The following DDB1 variants were observed in gnomAD, a reference collection of about 807,000 sequenced individuals.
The protein encoded by DDB1 is damage specific DNA binding protein 1.
Under a neutral mutation model 133.1 loss-of-function variants are expected in DDB1, and 18 were observed. The observed-to-expected ratio is 0.14, with a 90% CI of 0.09 to 0.20. The LOEUF is 0.20. DDB1 is among the 10% of genes least tolerant of loss of function. DDB1 has a pLI of 1.00. For missense variants in DDB1, 828 were observed against 1,459.2 expected (o/e 0.57, Z 7.05); for synonymous variants, 580 against 550.5 (o/e 1.05, Z -0.75).
intron 12 of DDB1, chr11:61,315,900 T>G (rs1335248157): frequency 6.2e-6 from 1 of 162,546 alleles, no homozygotes; most frequent in Non-Finnish European, 1.3e-5. Context: ...TTTTGTGCAT[T>G]TTGGCATTTT....
intron 4 of DDB1, among the ~76,000 whole-genome samples, chr11:61,328,921 G>A (rs1856316983): frequency 6.6e-6 from 1 of 152,108 alleles, no homozygotes. Flanking sequence ...ACCAGTAAGT[G>A]ATTACTGGAC....
chr11:61,304,505 A>C (rs1488757286), intron 21 of DDB1, among the ~76,000 whole-genome samples: 1 of 152,102 alleles, frequency 6.6e-6, no homozygotes, highest in Non-Finnish European at 1.5e-5. Flanking sequence ...AGTCCAACAG[A>C]AACATTGACA....
In DDB1 at chr11:61,324,018, G is replaced by A. The variant is rs56096142; in HGVS notation, c.882C>T (p.Thr294=). ...CTACACGGAGATCCTTGAGAGTGAC[G>A]GTGCCATCCATCTGTTCCTCCTTCT... is the stretch of plus-strand genomic sequence containing the variant. ...LLEKEEQMDG[T]VTLKDLRVEL... is the part of the protein sequence containing the mutation. Residue 294 remains threonine, a synonymous_variant, in exon 7 of 27, where the codon ACC becomes ACT. Coordinates refer to ENST00000301764, the MANE Select transcript of DDB1 (RefSeq NM_001923.5). 566 of 1,613,634 alleles carry A rather than the reference G, an allele frequency of 3.5e-4. 1 individual carries two copies. In the African/African-American group the frequency reaches 3.8e-3, roughly 11 times the overall value.
At chr11:61,310,480 T>C in intron 18 of DDB1, 62 bp from the exon 19 acceptor site, 6 of 1,519,868 alleles carry the variant, frequency 3.9e-6, no homozygotes, top group Non-Finnish European at 5.3e-6. Context: ...GAGACATCAT[T>C]GTGAAGGGAC....
rs1196607357 is a variant in DDB1 at position 61,303,102 on chromosome 11, A to G, written c.2886T>C (p.Asp962=). 6 of 1,614,220 alleles carry G rather than the reference A, an allele frequency of 3.7e-6. No homozygotes were observed. In the African/African-American group the frequency reaches 4.0e-5, roughly 11 times the overall value. The change falls in exon 23 of 27, where the codon GAT becomes GAC. Residue 962 remains aspartate (D), a synonymous_variant. Coordinates refer to ENST00000301764, the MANE Select transcript of DDB1 (RefSeq NM_001923.5). ...CATTTTCAGCCCCCAGAAAATTGTC[A>G]TCATCCAAGATTTCCACAGCACTCA... is the stretch of plus-strand genomic sequence containing the variant. ...NWMSAVEILD[D]DNFLGAENAF...
rs28720350 is a variant in DDB1 at position 61,302,577 on chromosome 11, C to A, written c.3112+5G>T. 663 of 1,614,138 alleles carry A rather than the reference C, an allele frequency of 4.1e-4. 5 individuals are homozygous for A. In the African/African-American group the frequency reaches 6.9e-3, roughly 17 times the overall value. ...TGGGGGTGTGCCCCACAGGGGTGACCTTACCTATCATGCCGTTGACCGTGC... is the reference window on the plus strand; with the variant it reads ...TGGGGGTGTGCCCCACAGGGGTGACATTACCTATCATGCCGTTGACCGTGC... On this transcript the variant is annotated splice_donor_5th_base_variant and intron_variant, in intron 24 of 26. Coordinates refer to ENST00000301764, the MANE Select transcript of DDB1 (RefSeq NM_001923.5).
intron 16 of DDB1, 150 bp downstream of exon 16, chr11:61,313,349 T>C (rs1012786556): frequency 4.3e-6 from 3 of 694,370 alleles, no homozygotes; most frequent in Non-Finnish European, 6.9e-6. Flanking sequence ...GTGTTTCTAT[T>C]GGGTAGCCAG....
Position 61,325,712 on chromosome 11 carries a change from C to T in DDB1, c.665-4G>A. 1 of 1,609,614 alleles carries T rather than the reference C, an allele frequency of 6.2e-7. No homozygotes were observed. The highest frequency in any genetic ancestry group is 8.5e-7 in the Non-Finnish European group (1 of 1,177,206). ...GCCCCCCCAAAGGGCTCTGGGACTG[C>T]AGGAAAGACAGCAAAATTAGAATGC... On this transcript the variant is annotated splice_polypyrimidine_tract_variant and splice_region_variant and intron_variant, in intron 5 of 26. Coordinates refer to ENST00000301764, the MANE Select transcript of DDB1 (RefSeq NM_001923.5).
At position 61,330,074 on chromosome 11, in the gene DDB1, C is replaced by A. The variant is rs770470270; in HGVS notation, c.211G>T (p.Gly71Trp). ...ATAAACAGCAGGTCCTTGCTCTCCC[C>A]CTGGAAACCAATATTATGCTATCAA... is the stretch of plus-strand genomic sequence containing the variant. The part of the protein sequence containing the change: ...IAVMELFRPK[G>W]ESKDLLFILT... The change falls in exon 3 of 27, where the codon GGG (glycine) becomes TGG (tryptophan). Residue 71 changes from glycine to tryptophan, a missense_variant and splice_region_variant. Transcript: ENST00000301764. The A allele has an allele frequency of 1.2e-6, 2 of 1,611,444 alleles. No individual in the cohort carries two copies. Among genetic ancestry groups the A allele is most frequent in the Non-Finnish European group, 1.7e-6 (2 of 1,177,956 alleles).
At chr11:61,324,258 T>C (rs1856233724) in intron 6 of DDB1, 121 bp from the exon 7 acceptor site, 2 of 1,014,876 alleles carry the variant, frequency 2.0e-6, no homozygotes, top group Admixed American at 4.3e-5. Context: ...ATCGCTCAGA[T>C]AACATTACAT....
chr11:61,302,676 G>T lies in DDB1; in HGVS notation c.3018C>A (p.Val1006=). The part of the protein sequence containing the change: ...GLFHLGEFVN[V]FCHGSLVMQN... ...GCATTACCAGAGAGCCGTGGCAAAA[G>T]ACATTGACAAACTCGCCCAGGTGGA... Residue 1006 remains valine (V), a synonymous_variant, in exon 24 of 27, where the codon GTC becomes GTA. Coordinates refer to ENST00000301764, the MANE Select transcript of DDB1 (RefSeq NM_001923.5). 3 of 1,614,214 alleles carry T rather than the reference G, an allele frequency of 1.9e-6. No individual in the cohort carries two copies. Among genetic ancestry groups the T allele is most frequent in the Non-Finnish European group, 2.5e-6 (3 of 1,180,032 alleles).
intron 5 of DDB1, 91 bp downstream of exon 5, chr11:61,326,688 A>C (rs1294732834): frequency 9.8e-7 from 1 of 1,019,508 alleles, no homozygotes; most frequent in East Asian, 2.4e-5. Context: ...CCGAGCGCCA[A>C]AACGAAGGGC....
intron 1 of DDB1, chr11:61,332,386 C>T (rs1452144031): frequency 6.5e-6 from 1 of 153,252 alleles, no homozygotes; most frequent in Non-Finnish European, 1.5e-5. Context: ...CTGGGCCAGG[C>T]AAACCAAACC....
chr11:61,300,813 A>T lies in DDB1; in HGVS notation c.3335T>A (p.Leu1112Gln). 6.2e-7 allele frequency: 1 copy of T among 1,614,192 alleles called. No individual in the cohort carries two copies. Among genetic ancestry groups the T allele is most frequent in the Non-Finnish European group, 8.5e-7 (1 of 1,180,012 alleles). ...RPKMQEVVAN[L>Q]QYDDGSGMKR... ...GTTAAACACCACACAGCTCACCTGT[A>T]GGTTTGCCACCACCTCCTGCATCTT... Residue 1112 changes from leucine (L) to glutamine (Q), a missense_variant, in exon 26 of 27, where the codon CTA becomes CAA. Around this residue, in one of 7 missense-constraint regions of DDB1, gnomAD observed 116 missense variants for 221.6 expected, o/e 0.52. Coordinates refer to ENST00000301764, the MANE Select transcript of DDB1 (RefSeq NM_001923.5).
intron 5 of DDB1, chr11:61,326,059 C>T (rs747411678): frequency 3.0e-6 from 1 of 337,946 alleles, no homozygotes; most frequent in Non-Finnish European, 5.6e-6. Flanking sequence ...GGTTTCCACT[C>T]TTGTTCCTTA....
rs376921474 is a variant in DDB1 at position 61,310,428 on chromosome 11, G to C, written c.2278-10C>G. On this transcript the variant is annotated splice_polypyrimidine_tract_variant and intron_variant, in intron 18 of 26. Coordinates refer to ENST00000301764, the MANE Select transcript of DDB1 (RefSeq NM_001923.5). ...CACTGCTGGACAGAGCCTGCAAACA[G>C]AGAGAATGCACATCATCCTTCTCAA... is the stretch of plus-strand genomic sequence containing the variant. 7.0e-5 allele frequency: 112 copies of C among 1,593,330 alleles called. No homozygotes were observed. The African/African-American group carries it at 1.3e-3, about 18-fold the overall frequency.
intron 16 of DDB1, 79 bp downstream of exon 16, chr11:61,313,420 C>A: frequency 7.5e-7 from 1 of 1,331,598 alleles, no homozygotes; most frequent in South Asian, 1.3e-5. Context: ...CGGAAAAAGG[C>A]TTTGAGGTAA....
In DDB1 at chr11:61,331,701, C is replaced by T. The variant is rs1468292372; in HGVS notation, c.62-10G>A. 2 of 1,613,944 alleles carry T rather than the reference C, an allele frequency of 1.2e-6. No individual in the cohort carries two copies. The highest frequency in any genetic ancestry group is 1.6e-4 in the Middle Eastern group (1 of 6,084). On this transcript the variant is annotated splice_polypyrimidine_tract_variant and intron_variant, in intron 1 of 26. Transcript: ENST00000301764. ...GCCGAAGTAAAGTGTCCTGAAAGAACAGACCCTCTAACTTTTGAACTCAGG... is the reference window on the plus strand; with the variant it reads ...GCCGAAGTAAAGTGTCCTGAAAGAATAGACCCTCTAACTTTTGAACTCAGG...
intron 1 of DDB1, chr11:61,332,661 G>C (rs1856415344): frequency 2.5e-6 from 1 of 395,112 alleles, no homozygotes; most frequent in Non-Finnish European, 4.5e-6. Flanking sequence ...GGCCCGCCCT[G>C]TTCTCGAGGC....
Sources: allele counts gnomAD v4.1 joint callset (sites outside exome capture counted in the v4.1 genomes callset), GRCh38; gene constraint gnomAD v4.1.1; regional missense constraint gnomAD v4.1.1; transcripts MANE v1.5; gene names NCBI Gene and HGNC (gene_info 2026-07-23, HGNC 2026-07-21).